CCDC102B: variants seen among roughly 807,000 people sequenced by gnomAD.
CCDC102B encodes coiled-coil domain containing 102B, also known as coiled-coil domain-containing protein 102B.
CCDC102B carries 75 observed loss-of-function variants against 57.4 expected under a neutral mutation model. That is an observed-to-expected ratio of 1.31 (90% CI 1.08 to 1.58). The LOEUF (loss-of-function observed/expected upper bound fraction) is 1.58, where lower values mean the gene tolerates loss of function less well. Among genes scored for constraint, CCDC102B ranks in the 40% most tolerant of loss-of-function variants. The pLI is 0.00. For synonymous variants in CCDC102B, 206 were observed against 201.9 expected (o/e 1.02, Z -0.17); for missense variants, 636 against 582.6 (o/e 1.09, Z -0.94).
At chr18:68,909,597 C>G (rs1035935772) in intron 6 of CCDC102B, among the ~76,000 whole-genome samples, 9 of 151,908 alleles carry the variant, frequency 5.9e-5, no homozygotes, top group African/African-American at 2.2e-4. Context: ...AGGAATAGAC[C>G]AGGGATGAAA....
chr18:68,949,385 A>G (rs192257408), intron 6 of CCDC102B, among the ~76,000 whole-genome samples: 11 of 152,276 alleles, frequency 7.2e-5, no homozygotes, highest in Middle Eastern at 3.4e-3. Flanking sequence ...GTATAAAAAC[A>G]CAATAGAAAC....
intron 1 of CCDC102B, among the ~76,000 whole-genome samples, chr18:68,827,289 T>C (rs576278727): frequency 9.2e-5 from 14 of 152,214 alleles, no homozygotes; most frequent in African/African-American, 2.6e-4. Flanking sequence ...TTCTCATTTG[T>C]TTTATAAATC....
In CCDC102B at chr18:68,975,339, T is replaced by G. The variant is rs541403916; in HGVS notation, c.1264-35595T>G. Reference sequence around the variant, plus strand: ...AATTATTAAATATTTAATTCATTATTTTTGTCTTAAGAAAACAATGAAATT... The same window carrying G: ...AATTATTAAATATTTAATTCATTATGTTTGTCTTAAGAAAACAATGAAATT... On this transcript the variant is annotated intron_variant, in intron 6 of 7. Transcript: ENST00000360242. Among the ~76,000 whole-genome samples the G allele has an allele frequency of 7.2e-5, 11 of 152,046 alleles. No homozygotes were observed. In the South Asian group the frequency reaches 2.3e-3, roughly 31 times the overall value.
At chr18:68,846,134 A>G (rs1407917070) in intron 3 of CCDC102B, among the ~76,000 whole-genome samples, 179 bp from the exon 4 acceptor site, 3 of 152,024 alleles carry the variant, frequency 2.0e-5, no homozygotes, top group South Asian at 2.1e-4. Context: ...AGAATAATAA[A>G]CTAAAATACT....
intron 6 of CCDC102B, among the ~76,000 whole-genome samples, chr18:68,915,381 C>T (rs1198651243): frequency 6.6e-6 from 1 of 152,130 alleles, no homozygotes; most frequent in Admixed American, 6.5e-5. Flanking sequence ...TCCTACCTTG[C>T]CTTATGCCAG....
intron 4 of CCDC102B, among the ~76,000 whole-genome samples, chr18:68,856,142 A>G (rs2038375339): frequency 6.6e-6 from 1 of 152,158 alleles, no homozygotes; most frequent in Non-Finnish European, 1.5e-5. Context: ...AAATATACCC[A>G]AACATGAATA....
chr18:68,921,206 T>C (rs1452204714), intron 6 of CCDC102B, among the ~76,000 whole-genome samples: 1 of 152,136 alleles, frequency 6.6e-6, no homozygotes, highest in African/African-American at 2.4e-5. Context: ...CCAAATCTCA[T>C]CCTGAATTCC....
chr18:68,779,543 G>A (rs1197659015), intron 2 of CCDC102B, among the ~76,000 whole-genome samples: 1 of 126,676 alleles, frequency 7.9e-6, no homozygotes, highest in Non-Finnish European at 1.8e-5. Flanking sequence ...TCACATGTTA[G>A]CACAACAATA....
At chr18:68,793,626 C>T (rs2035536701), upstream of CCDC102B, among the ~76,000 whole-genome samples, 1 of 151,890 alleles carries the variant, frequency 6.6e-6, no homozygotes, top group African/African-American at 2.4e-5. Context: ...TCCATCCATC[C>T]ATCCATTTAT....
chr18:68,948,425 T>A (rs879711081), intron 6 of CCDC102B, among the ~76,000 whole-genome samples: 1 of 152,192 alleles, frequency 6.6e-6, no homozygotes, highest in Non-Finnish European at 1.5e-5. Context: ...ATGCTATCTT[T>A]ATTATCATTT....
intron 6 of CCDC102B, among the ~76,000 whole-genome samples, chr18:68,925,838 C>T (rs1461955085): frequency 6.6e-6 from 1 of 151,820 alleles, no homozygotes; most frequent in Non-Finnish European, 1.5e-5. Context: ...TCATTAACAC[C>T]AATACAATAG....
intron 6 of CCDC102B, among the ~76,000 whole-genome samples, chr18:68,953,355 C>CTTTTCT (rs2049753515): frequency 1.6e-5 from 2 of 125,536 alleles, no homozygotes; most frequent in South Asian, 5.0e-4. Context: ...CAATACTTGT[C>CTTTTCT]TTTTTTTTTT....
At chr18:68,896,853 A>C (rs2040260582) in intron 5 of CCDC102B, among the ~76,000 whole-genome samples, 1 of 152,030 alleles carries the variant, frequency 6.6e-6, no homozygotes, top group Admixed American at 6.6e-5. Flanking sequence ...AAATATATCC[A>C]ATCAAAATTG....
chr18:68,807,408 A>C (rs1313395221), intron 1 of CCDC102B, among the ~76,000 whole-genome samples: 2 of 152,188 alleles, frequency 1.3e-5, no homozygotes, highest in South Asian at 2.1e-4. Flanking sequence ...TGAGATATTT[A>C]AGAAAAACAA....
chr18:68,716,223 G>A (rs980787196), intron 1 of CCDC102B, among the ~76,000 whole-genome samples: 2 of 151,340 alleles, frequency 1.3e-5, no homozygotes, highest in Non-Finnish European at 2.9e-5. Flanking sequence ...TAGTACCATC[G>A]CCTCGATACT....
At chr18:68,854,349 C>G (rs1419311227) in intron 4 of CCDC102B, among the ~76,000 whole-genome samples, 1 of 152,148 alleles carries the variant, frequency 6.6e-6, no homozygotes, top group Non-Finnish European at 1.5e-5. Flanking sequence ...ACCCGCCTGC[C>G]TCGGCCTCCC....
chr18:68,728,449 G>T lies in CCDC102B; in HGVS notation c.-67+11855G>T, dbSNP rs529980655. Among the ~76,000 whole-genome samples the T allele has an allele frequency of 4.6e-5, 7 of 152,300 alleles. No homozygotes were observed. The East Asian group carries it at 1.3e-3, about 29-fold the overall frequency. ...AACAACAGAAACAAAATTATGGCAT[G>T]AGTTTTGTCCTCCTAGTTAAATTCC... On this transcript the variant is annotated intron_variant, in intron 2 of 3. Coordinates refer to the CCDC102B transcript ENST00000578970.
At chr18:68,794,673 CTT>C (rs2144668132), upstream of CCDC102B, among the ~76,000 whole-genome samples, 1 of 152,192 alleles carries the variant, frequency 6.6e-6, no homozygotes, top group East Asian at 1.9e-4. Context: ...TTTCTCGTCT[CTT>C]TATCATATGC....
At chr18:68,741,755 G>T (rs1321013378) in intron 2 of CCDC102B, among the ~76,000 whole-genome samples, 1 of 151,106 alleles carries the variant, frequency 6.6e-6, no homozygotes, top group Non-Finnish European at 1.5e-5. Context: ...ATATAACAAG[G>T]CTTTCTTGCG....
Sources: allele counts gnomAD v4.1 joint callset (sites outside exome capture counted in the v4.1 genomes callset), GRCh38; gene constraint gnomAD v4.1.1; transcripts MANE v1.5; gene names NCBI Gene and HGNC (gene_info 2026-07-23, HGNC 2026-07-21).